Variants in SAMMSON observed in about 807,000 individuals in gnomAD.
SAMMSON encodes long intergenic non-protein coding RNA 1212.
chr3:70,346,730 A>G (rs1702754074), intron 7 of SAMMSON, among the ~76,000 whole-genome samples: 1 of 152,170 alleles, frequency 6.6e-6, no homozygotes, highest in Non-Finnish European at 1.5e-5. Flanking sequence ...TTTAAAATAT[A>G]ATTTCTAATT....
chr3:70,354,698 C>T (rs2080893918), intron 8 of SAMMSON, among the ~76,000 whole-genome samples: 1 of 152,140 alleles, frequency 6.6e-6, no homozygotes, highest in South Asian at 2.1e-4. Flanking sequence ...CTGGACAGTG[C>T]CTGAGCATGG....
At chr3:70,227,586 T>C (rs1292665731) in intron 4 of SAMMSON, among the ~76,000 whole-genome samples, 1 of 152,220 alleles carries the variant, frequency 6.6e-6, no homozygotes, top group African/African-American at 2.4e-5. Context: ...AAGTTGAACA[T>C]AGATTACTCT....
chr3:70,424,059 C>T lies in SAMMSON; in HGVS notation n.234-38501C>T, dbSNP rs542832297. Among the ~76,000 whole-genome samples, 3 of 152,118 alleles carry T rather than the reference C, an allele frequency of 2.0e-5. No individual in the cohort carries two copies. The East Asian group carries it at 5.8e-4, about 29-fold the overall frequency. On this transcript the variant is annotated intron_variant and non_coding_transcript_variant, in intron 2 of 3. Transcript: ENST00000641053. The stretch of plus-strand genomic sequence containing the variant: ...CATAATGAAGCAAATTAATTTTGTC[C>T]AGTAGAGATACAATTGATTTCCATT...
chr3:70,402,419 CACA>C (rs1227740268), intron 2 of SAMMSON, among the ~76,000 whole-genome samples: 1 of 152,086 alleles, frequency 6.6e-6, no homozygotes, highest in African/African-American at 2.4e-5. Context: ...ATTAAATTTT[CACA>C]ACATCTTAAT....
chr3:70,384,615 C>G (rs538664749), intron 9 of SAMMSON, among the ~76,000 whole-genome samples: 111 of 152,130 alleles, frequency 7.3e-4, no homozygotes, highest in Non-Finnish European at 1.3e-3. Context: ...AGTAGAAGCA[C>G]TTGTACCCCT....
At chr3:70,399,683 T>G (rs1701123112) in intron 2 of SAMMSON, among the ~76,000 whole-genome samples, 1 of 151,726 alleles carries the variant, frequency 6.6e-6, no homozygotes, top group Non-Finnish European at 1.5e-5. Flanking sequence ...CTGGCCAACA[T>G]GGTGAAACCC....
chr3:70,105,399 C>T (rs1251181876), intron 4 of SAMMSON, among the ~76,000 whole-genome samples: 1 of 152,136 alleles, frequency 6.6e-6, no homozygotes. Context: ...AGTACTTTTA[C>T]AGTGAGTACA....
intron 9 of SAMMSON, among the ~76,000 whole-genome samples, chr3:70,382,898 G>A (rs1053423688): frequency 2.0e-5 from 3 of 152,074 alleles, no homozygotes; most frequent in Non-Finnish European, 4.4e-5. Flanking sequence ...TTTGAGAAGG[G>A]TTAGTTTAAG....
intron 1 of SAMMSON, among the ~76,000 whole-genome samples, chr3:70,007,711 A>C (rs1485450151): frequency 6.6e-6 from 1 of 152,088 alleles, no homozygotes; most frequent in African/African-American, 2.4e-5. Flanking sequence ...TTAGACATGA[A>C]GTCCTTGCCC....
At chr3:70,343,443 G>A (rs1435345867) in intron 7 of SAMMSON, among the ~76,000 whole-genome samples, 2 of 151,982 alleles carry the variant, frequency 1.3e-5, no homozygotes, top group Non-Finnish European at 2.9e-5. Context: ...CAATTTCAAG[G>A]ACTTCTGGTT....
intron 7 of SAMMSON, among the ~76,000 whole-genome samples, chr3:70,300,310 C>T (rs552927052): frequency 1.4e-4 from 22 of 152,188 alleles, no homozygotes; most frequent in African/African-American, 5.3e-4. Context: ...TATAGATAAA[C>T]TTTCCTTACC....
At chr3:70,313,289 G>A (rs1188776897) in intron 7 of SAMMSON, among the ~76,000 whole-genome samples, 1 of 152,042 alleles carries the variant, frequency 6.6e-6, no homozygotes, top group East Asian at 1.9e-4. Context: ...GCAACATAGT[G>A]AGACTCCATT....
At chr3:70,299,296 T>G (rs2106700052) in intron 7 of SAMMSON, among the ~76,000 whole-genome samples, 1 of 149,948 alleles carries the variant, frequency 6.7e-6, no homozygotes, top group South Asian at 2.1e-4. Flanking sequence ...CATAATCATA[T>G]TTTATTAAAA....
chr3:70,409,664 A>G (rs1427749172), intron 2 of SAMMSON, among the ~76,000 whole-genome samples: 1 of 152,174 alleles, frequency 6.6e-6, no homozygotes, highest in Non-Finnish European at 1.5e-5. Flanking sequence ...TTGGAACCAA[A>G]GATCAAATTA....
At chr3:70,377,752 A>G (rs1703032777) in intron 9 of SAMMSON, among the ~76,000 whole-genome samples, 1 of 152,124 alleles carries the variant, frequency 6.6e-6, no homozygotes, top group Non-Finnish European at 1.5e-5. Context: ...TACTAGCTAT[A>G]ATATTAAAAA....
downstream of SAMMSON, among the ~76,000 whole-genome samples, chr3:70,393,167 G>A (rs769104602): frequency 3.3e-5 from 5 of 152,246 alleles, no homozygotes; most frequent in Admixed American, 1.3e-4. Flanking sequence ...AATATTTTGT[G>A]TAACTGTTTA....
chr3:70,362,605 A>C (rs1365902615), intron 9 of SAMMSON, among the ~76,000 whole-genome samples: 1 of 151,852 alleles, frequency 6.6e-6, no homozygotes, highest in Non-Finnish European at 1.5e-5. Flanking sequence ...GAATAGAAAA[A>C]AAAAGACCTA....
intron 4 of SAMMSON, among the ~76,000 whole-genome samples, chr3:70,155,089 G>GCTTACATATATTAGTATATGTAAGCTTT (rs2067586656): frequency 6.6e-6 from 1 of 151,588 alleles, no homozygotes; most frequent in South Asian, 2.1e-4. Context: ...ACCTATATTG[G>GCTTACATATATTAGTATATGTAAGCTTT]CTTACATATA....
intron 7 of SAMMSON, among the ~76,000 whole-genome samples, chr3:70,295,745 T>G (rs1020813114): frequency 2.0e-5 from 3 of 152,170 alleles, no homozygotes; most frequent in Non-Finnish European, 4.4e-5. Context: ...TATTTTAAAG[T>G]GCTGTATCTT....
Sources: gnomAD v4.1 joint callset for allele counts (sites outside exome capture counted in the v4.1 genomes callset) on GRCh38, gnomAD v4.1.1 for gene constraint, MANE v1.5 for transcripts, NCBI Gene and HGNC (gene_info 2026-07-23, HGNC 2026-07-21) for gene names.